Variants in RPTOR observed in about 807,000 individuals in gnomAD.
The protein encoded by RPTOR is regulatory-associated protein of mTOR.
Under a neutral mutation model 169.9 loss-of-function variants are expected in RPTOR, and 21 were observed. The ratio of observed to expected loss-of-function variants is 0.12; its 90% CI spans 0.09 to 0.18. The LOEUF is 0.18. RPTOR is among the 10% of genes least tolerant of loss of function. The pLI is 1.00. For synonymous variants in RPTOR, 732 were observed against 753.2 expected (o/e 0.97, Z 0.46); for missense variants, 1,133 against 1,855.9 (o/e 0.61, Z 7.16).
chr17:80,949,176 G>A (rs1199156429), intron 27 of RPTOR, among the ~76,000 whole-genome samples: 2 of 152,186 alleles, frequency 1.3e-5, no homozygotes, highest in Non-Finnish European at 2.9e-5. Flanking sequence ...AAACCTCAGA[G>A]TTGAGCTCTG....
chr17:80,685,643 T>TA lies in RPTOR; in HGVS notation c.349-22198_349-22197insA, dbSNP rs1555607058. 1.4e-3 allele frequency among the ~76,000 whole-genome samples: 128 copies of TA among 94,568 alleles called. 7 individuals carry two copies. Among genetic ancestry groups the TA allele is most frequent in the East Asian group, 4.5e-3 (12 of 2,662 alleles). 62.0% of individuals were successfully genotyped at this position (94,568 alleles called of 152,430 possible). A position where few individuals can be genotyped will look rare whatever the true frequency, so the allele number is the denominator to read the frequency against. On this transcript the variant is annotated intron_variant, in intron 3 of 33. Transcript: ENST00000306801. Reference sequence around the variant, plus strand: ...TATATATATATTTTTTTTTTTTTTTTTTTTTTTTTTTTTTGCTGTGAATTA... The same window carrying TA: ...TATATATATATTTTTTTTTTTTTTTTATTTTTTTTTTTTTTGCTGTGAATTA...
chr17:80,725,833 C>A (rs750801325), intron 4 of RPTOR, among the ~76,000 whole-genome samples: 1 of 152,186 alleles, frequency 6.6e-6, no homozygotes, highest in Non-Finnish European at 1.5e-5. Context: ...ATACAGACTT[C>A]CAAATTGTTG....
chr17:80,612,023 G>C (rs1386172207), intron 1 of RPTOR, among the ~76,000 whole-genome samples: 2 of 152,160 alleles, frequency 1.3e-5, no homozygotes, highest in Admixed American at 1.3e-4. Flanking sequence ...TTTTTGGCAA[G>C]AACGCTTCAT....
intron 21 of RPTOR, among the ~76,000 whole-genome samples, chr17:80,917,564 G>A (rs143252786): frequency 0.013 from 1,955 of 152,308 alleles, 17 homozygotes; most frequent in South Asian, 0.019. Flanking sequence ...TCTTAATTCA[G>A]CATGTTTGCA....
At chr17:80,952,303 G>A (rs929584112) in intron 28 of RPTOR, among the ~76,000 whole-genome samples, 2 of 152,228 alleles carry the variant, frequency 1.3e-5, no homozygotes, top group African/African-American at 4.8e-5. Context: ...GCCAAGGGCT[G>A]AAGACAGAAG....
At chr17:80,568,840 C>T (rs995275488) in intron 1 of RPTOR, among the ~76,000 whole-genome samples, 2 of 152,032 alleles carry the variant, frequency 1.3e-5, no homozygotes, top group Non-Finnish European at 2.9e-5. Context: ...ATCTAACATG[C>T]TCTTTATTTT....
rs755877140 is a variant in RPTOR at position 80,962,561 on chromosome 17, G to A, written c.3793G>A (p.Ala1265Thr). ...GACGGCCCTGGACATCCACCCCCAG[G>A]CGGACCTGATCGCATGGTAGGCGCC... Reference protein sequence around the residue: ...GLTALDIHPQADLIACGSVNQ... With the variant: ...GLTALDIHPQTDLIACGSVNQ... Residue 1265 changes from alanine to threonine, a missense_variant, in exon 32 of 34, where the codon GCG becomes ACG. Ala to Thr is a moderately conservative substitution (Grantham distance 58). Transcript: ENST00000306801. 6.2e-7 allele frequency: 1 copy of A among 1,613,562 alleles called. No individual in the cohort carries two copies. Among genetic ancestry groups the A allele is most frequent in the South Asian group, 1.1e-5 (1 of 91,084 alleles).
intron 7 of RPTOR, among the ~76,000 whole-genome samples, chr17:80,793,469 T>C (rs986034449): frequency 1.3e-5 from 2 of 152,246 alleles, no homozygotes; most frequent in African/African-American, 4.8e-5. Flanking sequence ...TCCCTGTGGC[T>C]ATTTCCATGG....
chr17:80,792,569 A>C (rs890066780), intron 7 of RPTOR, among the ~76,000 whole-genome samples: 7 of 152,188 alleles, frequency 4.6e-5, no homozygotes, highest in Non-Finnish European at 8.8e-5. Flanking sequence ...ATGGGTACCT[A>C]ACAGAGCTCA....
chr17:80,847,335 C>T (rs941366386), intron 11 of RPTOR, among the ~76,000 whole-genome samples: 1 of 152,146 alleles, frequency 6.6e-6, no homozygotes, highest in African/African-American at 2.4e-5. Flanking sequence ...GATGGGAGGC[C>T]ATGGAAATTG....
intron 1 of RPTOR, among the ~76,000 whole-genome samples, chr17:80,574,225 C>T (rs1385494357): frequency 2.8e-5 from 4 of 142,892 alleles, no homozygotes; most frequent in African/African-American, 7.8e-5. Context: ...ACTGCAGTGG[C>T]GCAATCTCGG....
chr17:80,885,554 G>GT (rs1035479602), intron 17 of RPTOR, among the ~76,000 whole-genome samples: 6 of 151,970 alleles, frequency 3.9e-5, no homozygotes, highest in African/African-American at 1.5e-4. Context: ...TTTTGTTTTT[G>GT]TTTTTTTGAG....
chr17:80,756,237 T>C (rs537972656), intron 6 of RPTOR, among the ~76,000 whole-genome samples: 2 of 152,338 alleles, frequency 1.3e-5, no homozygotes, highest in South Asian at 4.1e-4. Context: ...TTGTGTTATC[T>C]TGCCCTTCCA....
chr17:80,659,181 G>A lies in RPTOR; in HGVS notation c.348+15371G>A, dbSNP rs144042104. Among the ~76,000 whole-genome samples, 5 of 152,304 alleles carry A rather than the reference G, an allele frequency of 3.3e-5. No individual in the cohort carries two copies. Among genetic ancestry groups the A allele is most frequent in the Admixed American group, 6.5e-5 (1 of 15,310 alleles). ...GGTCCCCGAGAGATTGCCTCCGAGC[G>A]CTGTTAGGAGAGGGAAGAGCTGCAC... On this transcript the variant is annotated intron_variant, in intron 3 of 33. Coordinates refer to ENST00000306801, the MANE Select transcript of RPTOR (RefSeq NM_020761.3). This position sits in a 1 kb window ranked among gnomAD's most constrained non-coding sequence, Gnocchi z 4.3.
At chr17:80,553,572 A>G (rs1312825323) in intron 1 of RPTOR, among the ~76,000 whole-genome samples, 4 of 152,208 alleles carry the variant, frequency 2.6e-5, no homozygotes, top group Non-Finnish European at 5.9e-5. Context: ...TTAATGTTGT[A>G]GAATGAAATG....
chr17:80,566,536 C>T (rs991114669), intron 1 of RPTOR, among the ~76,000 whole-genome samples: 3 of 151,922 alleles, frequency 2.0e-5, no homozygotes. Flanking sequence ...TGTATATTTT[C>T]CTGGCTGGGT....
At position 80,707,792 on chromosome 17, in the gene RPTOR, C is replaced by T. The variant is rs1346507964; in HGVS notation, c.349-49C>T. The T allele has an allele frequency of 2.6e-6, 4 of 1,567,314 alleles. No individual in the cohort carries two copies. The highest frequency in any genetic ancestry group is 3.5e-6 in the Non-Finnish European group (4 of 1,144,840). Reference sequence around the variant, plus strand: ...GAAAGGGTAGGGGATGAGTTCCAAGCATTCCCTGGAGTCCGTGGTAAATTT... The same window carrying T: ...GAAAGGGTAGGGGATGAGTTCCAAGTATTCCCTGGAGTCCGTGGTAAATTT... On this transcript the variant is annotated intron_variant, in intron 3 of 33. Transcript: ENST00000306801. The surrounding 1 kb of genome is among the most constrained non-coding windows in gnomAD (Gnocchi z 5.0).
intron 6 of RPTOR, among the ~76,000 whole-genome samples, chr17:80,765,382 CT>C (rs1290937600): frequency 1.3e-5 from 2 of 152,346 alleles, no homozygotes; most frequent in East Asian, 3.9e-4. Flanking sequence ...AAAGGCTTCA[CT>C]TCTCTCACCT....
chr17:80,787,909 C>T (rs1268048297), intron 6 of RPTOR, among the ~76,000 whole-genome samples: 3 of 152,034 alleles, frequency 2.0e-5, no homozygotes, highest in Non-Finnish European at 4.4e-5. Context: ...GATATTGCCC[C>T]CACCTTTTTG....
Sources: gnomAD v4.1 joint callset for allele counts (sites outside exome capture counted in the v4.1 genomes callset) on GRCh38, gnomAD v4.1.1 for gene constraint, Gnocchi (gnomAD v3.1) non-coding constraint, MANE v1.5 for transcripts, NCBI Gene and HGNC (gene_info 2026-07-23, HGNC 2026-07-21) for gene names.